The following ATP6V0C variants were observed in gnomAD, a reference collection of about 807,000 sequenced individuals.
The protein encoded by ATP6V0C is V-type proton ATPase 16 kDa proteolipid subunit c.
ATP6V0C carries 2 observed loss-of-function variants against 10.6 expected under a neutral mutation model. That is an observed-to-expected ratio of 0.19 (90% CI 0.08 to 0.59). The LOEUF is 0.59. Among genes scored for constraint, ATP6V0C ranks in the 20% least tolerant of loss-of-function variants. The pLI, the probability that ATP6V0C is intolerant of heterozygous loss-of-function variation, is 0.90. For synonymous variants in ATP6V0C, 128 were observed against 101.3 expected (o/e 1.26, Z -1.59); for missense variants, 89 against 225.9 (o/e 0.39, Z 3.88).
At chr16:2,519,118 C>G (rs2065893857) in intron 1 of ATP6V0C, 100 bp from the exon 2 acceptor site, 1 of 1,334,304 alleles carries the variant, frequency 7.5e-7, no homozygotes, top group South Asian at 1.5e-5. Flanking sequence ...CATGTGATAA[C>G]TTGGGGTGGC....
intron 1 of ATP6V0C, among the ~76,000 whole-genome samples, chr16:2,515,906 C>T (rs1165380186): frequency 2.0e-5 from 3 of 151,490 alleles, no homozygotes; most frequent in Non-Finnish European, 4.4e-5. Context: ...GCACCCAGCT[C>T]CTTTCCTCTC....
chr16:2,517,739 GTGTGTGTGTGTGTGTC>G (rs1444735642), intron 1 of ATP6V0C: 1 of 153,114 alleles, frequency 6.5e-6, no homozygotes, highest in African/African-American at 2.4e-5. Flanking sequence ...GTGTGTGTGT[GTGTGTGTGTGTGTGTC>G]TGTCAGAGAT....
In ATP6V0C at chr16:2,519,605, A is replaced by G; in HGVS notation, c.328A>G (p.Ile110Val). The part of the protein sequence containing the change: ...GLSGLAAGFA[I>V]GIVGDAGVRG... ...GAGCGGCCTGGCAGCCGGCTTTGCC[A>G]TCGGCATCGTGGGGGACGCTGGCGT... The change falls in exon 3 of 3, where the codon ATC becomes GTC. Residue 110 changes from isoleucine (I) to valine (V), a missense_variant. By Grantham distance (29) the Ile-to-Val change is conservative. Transcript: ENST00000330398. 6.3e-7 allele frequency: 1 copy of G among 1,592,740 alleles called. No individual in the cohort carries two copies. The highest frequency in any genetic ancestry group is 8.6e-7 in the Non-Finnish European group (1 of 1,165,542).
chr16:2,516,097 C>CT (rs11367350), intron 1 of ATP6V0C, among the ~76,000 whole-genome samples: 2,339 of 124,986 alleles, frequency 0.019, 44 homozygotes, highest in Middle Eastern at 0.068. Flanking sequence ...CAGACAACTG[C>CT]TTTTTTTTTT....
rs919386222 is a variant in ATP6V0C, at chr16:2,514,025, C to A, written c.-79C>A. 5.1e-6 allele frequency: 7 copies of A among 1,375,896 alleles called. No homozygotes were observed. The highest frequency in any genetic ancestry group is 1.5e-5 in the African/African-American group (1 of 65,760). 85.2% of individuals were successfully genotyped at this position (1,375,896 alleles called of 1,614,324 possible). On this transcript the variant is annotated 5_prime_UTR_variant, in exon 1 of 3. Coordinates refer to ENST00000330398, the MANE Select transcript of ATP6V0C (RefSeq NM_001694.4). ...CCTTCGCCGCCGCCCGCCCGCAAAC[C>A]TTCGTGCCCGGCCCGTCCTCGCCCC...
rs1051428277 is a variant in ATP6V0C, at chr16:2,519,996, C to T, written c.*251C>T. 4 of 692,500 alleles carry T rather than the reference C, an allele frequency of 5.8e-6. No individual in the cohort carries two copies. The highest frequency in any genetic ancestry group is 4.0e-5 in the Admixed American group (2 of 49,460). The allele number at this position is 692,500 out of a possible 1,614,324, so 42.9% of individuals were successfully genotyped here. A position where few individuals can be genotyped will look rare whatever the true frequency, so the allele number is the denominator to read the frequency against. On this transcript the variant is annotated 3_prime_UTR_variant, in exon 3 of 3. Transcript: ENST00000330398. ...CACCCCCTAGAGTGCTCTGTGTATG[C>T]GGATGATTTAGAATTGTCATTTCTC...
intron 1 of ATP6V0C, among the ~76,000 whole-genome samples, chr16:2,518,667 G>A (rs1233979644): frequency 6.6e-6 from 1 of 152,192 alleles, no homozygotes; most frequent in Non-Finnish European, 1.5e-5. Flanking sequence ...TTTGGGGCTG[G>A]GAGCGTTGGG....
In ATP6V0C at chr16:2,519,919, CGTGCCGTGGACAT is replaced by C; in HGVS notation, c.*175_*187del. On this transcript the variant is annotated 3_prime_UTR_variant, in exon 3 of 3. Coordinates refer to ENST00000330398, the MANE Select transcript of ATP6V0C (RefSeq NM_001694.4). ...TCCCCGGCCTTGCCCCCGCCCGCCC[CGTGCCGTGGACAT>C]CTGGGCCCACTCATCGCCCCTCCAG... 1 of 951,924 alleles carries C rather than the reference CGTGCCGTGGACAT, an allele frequency of 1.1e-6. No homozygotes were observed. Among genetic ancestry groups the C allele is most frequent in the East Asian group, 2.6e-5 (1 of 38,200 alleles). 59.0% of individuals were successfully genotyped at this position (951,924 alleles called of 1,614,324 possible).
intron 1 of ATP6V0C, chr16:2,519,004 A>G (rs1384807593): frequency 1.5e-5 from 8 of 528,100 alleles, no homozygotes; most frequent in Non-Finnish European, 2.0e-5. Context: ...GGCCTCACGT[A>G]GAGGAAGGAG....
chr16:2,516,075 A>C (rs1236726815), intron 1 of ATP6V0C, among the ~76,000 whole-genome samples: 1 of 144,844 alleles, frequency 6.9e-6, no homozygotes, highest in Non-Finnish European at 1.5e-5. Context: ...CTCTGACTTC[A>C]CTTGGCCAAT....
rs1267485218 is a variant in ATP6V0C, at chr16:2,514,324, G to A, written c.79+142G>A. Reference sequence around the variant, plus strand: ...GCCCGGGCCTCGTGTGACAGCGGGCGGGGGTCGGCGCCCCGAGGGCTGCGG... The same window carrying A: ...GCCCGGGCCTCGTGTGACAGCGGGCAGGGGTCGGCGCCCCGAGGGCTGCGG... On this transcript the variant is annotated intron_variant, in intron 1 of 2. Coordinates refer to ENST00000330398, the MANE Select transcript of ATP6V0C (RefSeq NM_001694.4). 11 of 916,212 alleles carry A rather than the reference G, an allele frequency of 1.2e-5. No individual in the cohort carries two copies. The South Asian group carries it at 1.3e-4, about 11-fold the overall frequency. 56.8% of individuals were successfully genotyped at this position (916,212 alleles called of 1,614,324 possible).
At position 2,519,910 on chromosome 16, in the gene ATP6V0C, C is replaced by T. The variant is rs1040677665; in HGVS notation, c.*165C>T. 65 of 1,020,226 alleles carry T rather than the reference C, an allele frequency of 6.4e-5. 1 individual carries two copies. In the East Asian group the frequency reaches 1.4e-3, roughly 23 times the overall value. The allele number at this position is 1,020,226 out of a possible 1,614,324, so 63.2% of individuals were successfully genotyped here. A position where few individuals can be genotyped will look rare whatever the true frequency, so the allele number is the denominator to read the frequency against. ...TCGTCTGTTTCCCCGGCCTTGCCCC[C>T]GCCCGCCCCGTGCCGTGGACATCTG... On this transcript the variant is annotated 3_prime_UTR_variant, in exon 3 of 3. Transcript: ENST00000330398.
In ATP6V0C at chr16:2,520,094, C is replaced by T. The variant is rs2065904042; in HGVS notation, c.*349C>T. The T allele has an allele frequency of 1.3e-5, 8 of 611,066 alleles. No individual in the cohort carries two copies. Among genetic ancestry groups the T allele is most frequent in the Non-Finnish European group, 2.1e-5 (7 of 327,872 alleles). 37.9% of individuals were successfully genotyped at this position (611,066 alleles called of 1,614,324 possible). ...GGAGCGGCCCTTGTCTCCCAGCTAT[C>T]TATAACCTTAGCTAGAGTGTCGCCT... On this transcript the variant is annotated 3_prime_UTR_variant, in exon 3 of 3. Coordinates refer to ENST00000330398, the MANE Select transcript of ATP6V0C (RefSeq NM_001694.4).
chr16:2,516,318 A>C (rs1373856216), intron 1 of ATP6V0C, among the ~76,000 whole-genome samples: 1 of 151,912 alleles, frequency 6.6e-6, no homozygotes, highest in Non-Finnish European at 1.5e-5. Context: ...CATGTGGCTC[A>C]GGCTGGTCTC....
At chr16:2,514,284 C>G in intron 1 of ATP6V0C, 102 bp downstream of exon 1, 1 of 1,290,750 alleles carries the variant, frequency 7.7e-7, no homozygotes, top group Non-Finnish European at 1.0e-6. Context: ...GACGTAATCC[C>G]GAGCTGTCGG....
intron 1 of ATP6V0C, 117 bp downstream of exon 1, chr16:2,514,299 G>T (rs1421984849): frequency 4.3e-5 from 50 of 1,165,994 alleles, no homozygotes; most frequent in Non-Finnish European, 5.7e-5. Flanking sequence ...TGTCGGGGGC[G>T]CCCGGGCCTC....
Position 2,519,846 on chromosome 16 carries a change from A to G in ATP6V0C, c.*101A>G. The G allele has an allele frequency of 5.5e-6, 8 of 1,463,422 alleles. No homozygotes were observed. Among genetic ancestry groups the G allele is most frequent in the Admixed American group, 1.8e-5 (1 of 56,902 alleles). 90.7% of individuals were successfully genotyped at this position (1,463,422 alleles called of 1,614,324 possible). On this transcript the variant is annotated 3_prime_UTR_variant, in exon 3 of 3. Transcript: ENST00000330398. Reference sequence around the variant, plus strand: ...ACATACGCACGGGGCCGCCGCCCCCAGTAGTTGGTCTTGTACATGCGCAGT... The same window carrying G: ...ACATACGCACGGGGCCGCCGCCCCCGGTAGTTGGTCTTGTACATGCGCAGT...
intron 2 of ATP6V0C, 61 bp downstream of exon 2, chr16:2,519,462 A>G: frequency 6.4e-7 from 1 of 1,563,376 alleles, no homozygotes; most frequent in Non-Finnish European, 8.7e-7. Context: ...GGGGCGGTTC[A>G]CCTGTGGGTG....
At chr16:2,514,924 G>A (rs947905280) in intron 1 of ATP6V0C, among the ~76,000 whole-genome samples, 10 of 152,326 alleles carry the variant, frequency 6.6e-5, no homozygotes, top group South Asian at 6.2e-4. Flanking sequence ...CTTGCAGAGG[G>A]TCTGTGCTCT....
Sources: gnomAD v4.1 joint callset for allele counts (sites outside exome capture counted in the v4.1 genomes callset) on GRCh38, gnomAD v4.1.1 for gene constraint, MANE v1.5 for transcripts, NCBI Gene and HGNC (gene_info 2026-07-23, HGNC 2026-07-21) for gene names.